Variants in NDUFA9 observed in about 807,000 individuals in gnomAD.
The protein encoded by NDUFA9 is NADH dehydrogenase [ubiquinone] 1 alpha subcomplex subunit 9, mitochondrial.
A neutral mutation model predicts 45.9 loss-of-function variants in NDUFA9; 23 were observed. The observed-to-expected ratio is 0.50, with a 90% CI of 0.36 to 0.71. The LOEUF is 0.71. Ranked by LOEUF, NDUFA9 falls within the 30% of genes least tolerant of loss-of-function variation. NDUFA9 has a pLI of 0.00. For synonymous variants in NDUFA9, 176 were observed against 170.5 expected, an observed-to-expected ratio of 1.03 and a Z score of -0.25; for missense variants, 466 against 488.2, an observed-to-expected ratio of 0.95 and a Z score of 0.43.
intron 8 of NDUFA9, among the ~76,000 whole-genome samples, chr12:4,675,875 A>G (rs902518234): frequency 6.6e-6 from 1 of 152,234 alleles, no homozygotes; most frequent in African/African-American, 2.4e-5. Flanking sequence ...TTTCAGGCCA[A>G]TGTCCCTGAT....
intron 8 of NDUFA9, 37 bp from the exon 9 acceptor site, chr12:4,682,168 C>T (rs902719653): frequency 1.1e-5 from 16 of 1,428,068 alleles, no homozygotes; most frequent in Admixed American, 3.9e-5. Flanking sequence ...TTGTGAGAAG[C>T]GTGTAATTGA....
At position 4,685,319 on chromosome 12, in the gene NDUFA9, G is replaced by A; in HGVS notation, c.957G>A (p.Val319=). 3 of 1,613,550 alleles carry A rather than the reference G, an allele frequency of 1.9e-6. No homozygotes were observed. The highest frequency in any genetic ancestry group is 2.5e-6 in the Non-Finnish European group (3 of 1,179,494). The change falls in exon 10 of 11, where the codon GTG becomes GTA. Residue 319 remains valine, a synonymous_variant. Coordinates refer to ENST00000266544, the MANE Select transcript of NDUFA9 (RefSeq NM_005002.5). The part of the protein sequence containing the change: ...PFEPWITRDK[V]ERMHITDMKL... Reference sequence around the variant, plus strand: ...AGCCCTGGATAACAAGGGATAAAGTGGAGCGGGTGAGTACATGTGTGGAAA... The same window carrying A: ...AGCCCTGGATAACAAGGGATAAAGTAGAGCGGGTGAGTACATGTGTGGAAA...
chr12:4,658,950 CTG>C (rs1945807327), intron 4 of NDUFA9, 84 bp from the exon 5 acceptor site: 5 of 1,337,798 alleles, frequency 3.7e-6, no homozygotes, highest in Non-Finnish European at 5.2e-6. Flanking sequence ...AATTTCAGTA[CTG>C]TTATGAAAAC....
rs775222592 is a variant in NDUFA9 at position 4,649,152 on chromosome 12, T to C, written c.26T>C (p.Val9Ala). The change falls in exon 1 of 11, where the codon GTT (valine) becomes GCT (alanine). Residue 9 changes from valine to alanine, a missense_variant. Coordinates refer to ENST00000266544, the MANE Select transcript of NDUFA9 (RefSeq NM_005002.5). Reference protein sequence around the residue: MAAAAQSRVVRVLSMSRSA... With the variant: MAAAAQSRAVRVLSMSRSA... The stretch of plus-strand genomic sequence containing the variant: ...ATGGCGGCTGCCGCACAATCCCGGG[T>C]TGTCCGGGTCCTGTCAATGTCACGT... 2 of 1,605,290 alleles carry C rather than the reference T, an allele frequency of 1.2e-6. No individual in the cohort carries two copies. The highest frequency in any genetic ancestry group is 1.7e-6 in the Non-Finnish European group (2 of 1,176,302).
chr12:4,669,461 A>G lies in NDUFA9; in HGVS notation c.724-280A>G, dbSNP rs2240762. On this transcript the variant is annotated intron_variant, in intron 7 of 10. Transcript: ENST00000266544. ...GGTAAGTGCATTCCTACTACAGAAA[A>G]TACTTGGATGAGCCTTGGATTATGC... is the stretch of plus-strand genomic sequence containing the variant. Among the ~76,000 whole-genome samples, 83,976 of 152,084 alleles carry G rather than the reference A, an allele frequency of 0.55. 23,607 individuals carry two copies. The highest frequency in any genetic ancestry group is 0.61 in the Non-Finnish European group (41,695 of 67,982).
At position 4,654,828 on chromosome 12, in the gene NDUFA9, G is replaced by T. The variant is rs35263902; in HGVS notation, c.224G>T (p.Arg75Leu). 619 of 1,609,226 alleles carry T rather than the reference G, an allele frequency of 3.8e-4. 5 individuals carry two copies. In the South Asian group the frequency reaches 6.3e-3, roughly 16 times the overall value. The change falls in exon 3 of 11, where the codon CGC (arginine) becomes CTC (leucine). Residue 75 changes from arginine (R) to leucine (L), a missense_variant. Coordinates refer to ENST00000266544, the MANE Select transcript of NDUFA9 (RefSeq NM_005002.5). ...TTTTCAATCCATTCTCTTTTAGGACGCATGGGGTCACAGGTAATCATACCC... is the reference window on the plus strand; with the variant it reads ...TTTTCAATCCATTCTCTTTTAGGACTCATGGGGTCACAGGTAATCATACCC... The part of the protein sequence containing the change: ...LGRYVVNHLG[R>L]MGSQVIIPYR...
rs1218041552 is a variant in NDUFA9 at position 4,685,260 on chromosome 12, T to A, written c.898T>A (p.Trp300Arg). 1.1e-5 allele frequency: 17 copies of A among 1,612,808 alleles called. No homozygotes were observed. In the Admixed American group the frequency reaches 1.3e-4, roughly 13 times the overall value. The change falls in exon 10 of 11, where the codon TGG (tryptophan) becomes AGG (arginine). Residue 300 changes from tryptophan to arginine, a missense_variant and splice_region_variant. By Grantham distance (101) the Trp-to-Arg change is moderately radical. Transcript: ENST00000266544. ...TGCTATATGTATTTCTCTTTCCAGA[T>A]GGGTAGCAAGAGTCTTTGAAATAAG... is the stretch of plus-strand genomic sequence containing the variant. ...PFPLPLFAYRWVARVFEISPF... is the reference protein window; with the variant it reads ...PFPLPLFAYRRVARVFEISPF...
At chr12:4,654,679 T>C in intron 2 of NDUFA9, 146 bp from the exon 3 acceptor site, 1 of 922,056 alleles carries the variant, frequency 1.1e-6, no homozygotes. Flanking sequence ...AGCTATGGCA[T>C]CTTTAGCATG....
chr12:4,649,358 C>T (rs1176555978), intron 1 of NDUFA9, among the ~76,000 whole-genome samples, 183 bp downstream of exon 1: 7 of 152,190 alleles, frequency 4.6e-5, no homozygotes, highest in Admixed American at 4.6e-4. Flanking sequence ...CTCACATATT[C>T]AATTGTGCAC....
intron 1 of NDUFA9, among the ~76,000 whole-genome samples, chr12:4,652,208 G>A (rs1945763693): frequency 6.6e-6 from 1 of 152,118 alleles, no homozygotes; most frequent in African/African-American, 2.4e-5. Flanking sequence ...CCTTCACTTT[G>A]CATTCAATCT....
intron 7 of NDUFA9, among the ~76,000 whole-genome samples, chr12:4,669,406 GC>G (rs541429196): frequency 3.3e-5 from 5 of 152,350 alleles, no homozygotes; most frequent in Middle Eastern, 3.4e-3. Flanking sequence ...GTGGGCAAAA[GC>G]AAATCAGAGG....
chr12:4,657,577 G>C (rs1283850428), intron 3 of NDUFA9, 171 bp from the exon 4 acceptor site: 3 of 587,400 alleles, frequency 5.1e-6, no homozygotes, highest in Non-Finnish European at 9.1e-6. Context: ...GGAATCAGCA[G>C]GGAGTCTGAG....
intron 6 of NDUFA9, among the ~76,000 whole-genome samples, chr12:4,663,530 G>T (rs1170467715): frequency 2.0e-5 from 3 of 152,190 alleles, no homozygotes; most frequent in Non-Finnish European, 4.4e-5. Flanking sequence ...CTCTCTCCCT[G>T]TGTGCACATA....
intron 1 of NDUFA9, among the ~76,000 whole-genome samples, chr12:4,652,558 G>C (rs1945765988): frequency 6.6e-6 from 1 of 152,050 alleles, no homozygotes; most frequent in Admixed American, 6.6e-5. Context: ...TTCAGCATTT[G>C]GTAAAGTTAA....
At chr12:4,656,746 C>T (rs905778903) in intron 3 of NDUFA9, among the ~76,000 whole-genome samples, 8 of 152,238 alleles carry the variant, frequency 5.3e-5, no homozygotes, top group African/African-American at 9.6e-5. Flanking sequence ...ATAATAACCT[C>T]GTGAGGTAAG....
chr12:4,669,059 T>C (rs768864962), intron 7 of NDUFA9, among the ~76,000 whole-genome samples: 2 of 152,196 alleles, frequency 1.3e-5, no homozygotes, highest in Non-Finnish European at 2.9e-5. Context: ...TGAAAGAGCA[T>C]GTTGGATTCC....
intron 1 of NDUFA9, among the ~76,000 whole-genome samples, chr12:4,650,581 TC>T (rs1945752795): frequency 6.6e-6 from 1 of 152,212 alleles, no homozygotes; most frequent in Admixed American, 6.5e-5. Flanking sequence ...TAGAGGCAAG[TC>T]TAGTATGTAA....
At chr12:4,654,222 G>A in intron 1 of NDUFA9, 70 bp from the exon 2 acceptor site, 1 of 1,420,732 alleles carries the variant, frequency 7.0e-7, no homozygotes, top group South Asian at 1.3e-5. Flanking sequence ...AGAGAAAGGA[G>A]CTATTTGTGT....
chr12:4,671,482 T>G (rs947364145), intron 8 of NDUFA9, among the ~76,000 whole-genome samples: 1 of 152,168 alleles, frequency 6.6e-6, no homozygotes, highest in Non-Finnish European at 1.5e-5. Context: ...CATACCATGT[T>G]CATGGATTGA....
Sources: allele counts gnomAD v4.1 joint callset (sites outside exome capture counted in the v4.1 genomes callset), GRCh38; gene constraint gnomAD v4.1.1; transcripts MANE v1.5; gene names NCBI Gene and HGNC (gene_info 2026-07-23, HGNC 2026-07-21).